Variants in SCFD2 observed in about 807,000 individuals in gnomAD.
SCFD2 encodes the protein sec1 family domain containing 2.
SCFD2 carries 54 observed loss-of-function variants against 58.9 expected under a neutral mutation model. That is an observed-to-expected ratio of 0.92 (90% CI 0.74 to 1.15). The LOEUF (loss-of-function observed/expected upper bound fraction) is 1.15, where lower values mean the gene tolerates loss of function less well. Among genes scored for constraint, SCFD2 ranks in the 50% most tolerant of loss-of-function variants. SCFD2 has a pLI of 0.00. For synonymous variants in SCFD2, 321 were observed against 335.9 expected, an observed-to-expected ratio of 0.96 and a Z score of 0.49; for missense variants, 805 against 836.6, an observed-to-expected ratio of 0.96 and a Z score of 0.47.
chr4:53,077,057 A>G (rs1250257459), intron 5 of SCFD2, among the ~76,000 whole-genome samples: 2 of 152,154 alleles, frequency 1.3e-5, no homozygotes, highest in African/African-American at 4.8e-5. Context: ...TTTTCTTCCT[A>G]TAAGGAAGAA....
chr4:53,295,942 T>C (rs1267513920), intron 3 of SCFD2, among the ~76,000 whole-genome samples: 1 of 152,248 alleles, frequency 6.6e-6, no homozygotes, highest in African/African-American at 2.4e-5. Context: ...ATTACGTTTA[T>C]TGATTTGCAT....
chr4:52,984,159 C>G (rs998302519), intron 5 of SCFD2, among the ~76,000 whole-genome samples: 1 of 152,208 alleles, frequency 6.6e-6, no homozygotes, highest in African/African-American at 2.4e-5. Flanking sequence ...CAGGAAGCCA[C>G]TAGGGTGGTA....
chr4:53,034,217 T>G lies in SCFD2; in HGVS notation c.1561+111116A>C, dbSNP rs922586754. ...AACAGAACCATAACCAATCACACAA[T>G]CACTATATGATTATCTCAATAGATA... is the stretch of plus-strand genomic sequence containing the variant. On this transcript the variant is annotated intron_variant, in intron 5 of 8. Transcript: ENST00000401642. 2.0e-5 allele frequency among the ~76,000 whole-genome samples: 3 copies of G among 150,528 alleles called. 1 individual carries two copies. The highest frequency in any genetic ancestry group is 2.5e-5 in the African/African-American group (1 of 40,746).
chr4:52,904,475 C>T (rs959300352), intron 7 of SCFD2, among the ~76,000 whole-genome samples: 6 of 152,202 alleles, frequency 3.9e-5, no homozygotes, highest in South Asian at 2.1e-4. Context: ...AATGTGTACA[C>T]GCAACTCAAC....
intron 5 of SCFD2, among the ~76,000 whole-genome samples, chr4:52,990,846 G>A (rs1721598919): frequency 6.6e-6 from 1 of 152,200 alleles, no homozygotes; most frequent in Non-Finnish European, 1.5e-5. Context: ...TAAAGAAACT[G>A]TCCACTCTTG....
chr4:52,985,928 G>A (rs1281684112), intron 5 of SCFD2, among the ~76,000 whole-genome samples: 2 of 152,022 alleles, frequency 1.3e-5, no homozygotes, highest in Non-Finnish European at 2.9e-5. Context: ...CGGGTATATG[G>A]ACATTTTTTT....
chr4:53,168,746 G>T (rs1318141909), intron 4 of SCFD2, among the ~76,000 whole-genome samples: 2 of 151,938 alleles, frequency 1.3e-5, no homozygotes, highest in Non-Finnish European at 2.9e-5. Flanking sequence ...TAATTTTTTT[G>T]TGGTGAGAAC....
chr4:53,251,354 A>G (rs1296651490), intron 4 of SCFD2, among the ~76,000 whole-genome samples: 2 of 152,196 alleles, frequency 1.3e-5, no homozygotes, highest in Non-Finnish European at 2.9e-5. Flanking sequence ...ATCAATAGAA[A>G]AAGAGGGAAT....
At chr4:53,256,322 C>T (rs1309464889) in intron 4 of SCFD2, among the ~76,000 whole-genome samples, 9 of 144,902 alleles carry the variant, frequency 6.2e-5, no homozygotes, top group Middle Eastern at 3.7e-3. Context: ...ACATCTCAGA[C>T]GATGGGCAGC....
At chr4:53,256,858 A>AGAGAGGGAGAGGGAGACCGTGGG (rs1730655551) in intron 4 of SCFD2, among the ~76,000 whole-genome samples, 2 of 133,002 alleles carry the variant, frequency 1.5e-5, no homozygotes, top group African/African-American at 5.5e-5. Flanking sequence ...GACCGTGGAA[A>AGAGAGGGAGAGGGAGACCGTGGG]GAGAGGGAGA....
intron 5 of SCFD2, among the ~76,000 whole-genome samples, chr4:53,090,123 G>A (rs530562372): frequency 6.6e-6 from 1 of 152,106 alleles, no homozygotes; most frequent in Non-Finnish European, 1.5e-5. Flanking sequence ...ATGATGTCTG[G>A]GTGGCAAGTG....
intron 2 of SCFD2, among the ~76,000 whole-genome samples, chr4:53,347,031 C>T (rs1734077380): frequency 6.6e-6 from 1 of 152,204 alleles, no homozygotes; most frequent in South Asian, 2.1e-4. Flanking sequence ...ACTAACTTCT[C>T]ACTGTGTCTC....
At chr4:53,242,371 A>G (rs1166293601) in intron 4 of SCFD2, among the ~76,000 whole-genome samples, 1 of 152,166 alleles carries the variant, frequency 6.6e-6, no homozygotes, top group East Asian at 1.9e-4. Flanking sequence ...CTGAGCAGAG[A>G]CCTGGCTCCC....
At chr4:53,105,612 C>T (rs1182760142) in intron 5 of SCFD2, among the ~76,000 whole-genome samples, 2 of 152,194 alleles carry the variant, frequency 1.3e-5, no homozygotes, top group Non-Finnish European at 2.9e-5. Context: ...TCCGCAAAGC[C>T]GCAGTAGTCA....
intron 5 of SCFD2, among the ~76,000 whole-genome samples, chr4:53,034,294 C>G (rs1203462790): frequency 2.0e-5 from 3 of 152,142 alleles, no homozygotes; most frequent in Non-Finnish European, 4.4e-5. Context: ...CAAAAACTCT[C>G]AATAAACTAG....
intron 5 of SCFD2, among the ~76,000 whole-genome samples, chr4:53,038,081 C>T (rs934353736): frequency 2.0e-5 from 3 of 152,094 alleles, no homozygotes; most frequent in African/African-American, 4.8e-5. Context: ...CAATGTTAGG[C>T]TGTAAGTGTA....
intron 2 of SCFD2, among the ~76,000 whole-genome samples, chr4:53,327,539 C>T (rs542879775): frequency 5.9e-4 from 90 of 152,194 alleles, no homozygotes; most frequent in Middle Eastern, 3.4e-3. Context: ...AATATCAGAG[C>T]CTAAATGGTA....
In SCFD2 at chr4:53,311,626, A is replaced by G. The variant is rs553041389; in HGVS notation, c.1135+2010T>C. Among the ~76,000 whole-genome samples, 4 of 144,394 alleles carry G rather than the reference A, an allele frequency of 2.8e-5. No individual in the cohort carries two copies. In the South Asian group the frequency reaches 9.1e-4, roughly 33 times the overall value. The allele number at this position is 144,394 out of a possible 152,430, so 94.7% of individuals were successfully genotyped here. A position where few individuals can be genotyped will look rare whatever the true frequency, so the allele number is the denominator to read the frequency against. On this transcript the variant is annotated intron_variant, in intron 3 of 8. Coordinates refer to ENST00000401642, the MANE Select transcript of SCFD2 (RefSeq NM_152540.4). ...GCATGAAGACCCTTTGTGCATTCCT[A>G]CTTTCCTTGATTCACAATTTTTTTT...
chr4:52,928,710 C>T (rs544594171), intron 5 of SCFD2, among the ~76,000 whole-genome samples: 1 of 152,012 alleles, frequency 6.6e-6, no homozygotes, highest in Non-Finnish European at 1.5e-5. Context: ...CAGTCTGCAG[C>T]CTATAGTTAT....
Sources: allele counts gnomAD v4.1 joint callset (sites outside exome capture counted in the v4.1 genomes callset), GRCh38; gene constraint gnomAD v4.1.1; transcripts MANE v1.5; gene names NCBI Gene and HGNC (gene_info 2026-07-23, HGNC 2026-07-21).